The following CAMKMT variants were observed in gnomAD, a reference collection of about 807,000 sequenced individuals.
CAMKMT encodes calmodulin-lysine N-methyltransferase, also known as CaM KMT.
A neutral mutation model predicts 48.0 loss-of-function variants in CAMKMT; 53 were observed. The ratio of observed to expected loss-of-function variants is 1.10; its 90% confidence interval spans 0.89 to 1.39. The LOEUF (loss-of-function observed/expected upper bound fraction) is 1.39. Ranked by LOEUF, CAMKMT falls within the 40% of genes most tolerant of loss-of-function variation. The pLI is 0.00. For missense variants in CAMKMT, 428 were observed against 402.7 expected, an observed-to-expected ratio of 1.06 and a Z score of -0.54; for synonymous variants, 165 against 152.3, an observed-to-expected ratio of 1.08 and a Z score of -0.61.
intron 3 of CAMKMT, among the ~76,000 whole-genome samples, chr2:44,659,444 G>A (rs1046210445): frequency 3.3e-5 from 5 of 151,460 alleles, no homozygotes; most frequent in African/African-American, 9.7e-5. Context: ...AAAAAGTGGC[G>A]GAGGGCGGAG....
At chr2:44,626,001 A>G (rs771079175) in intron 3 of CAMKMT, among the ~76,000 whole-genome samples, 9 of 152,134 alleles carry the variant, frequency 5.9e-5, no homozygotes, top group African/African-American at 9.7e-5. Flanking sequence ...GGTCCTTTGT[A>G]TTTCATATAA....
chr2:44,469,206 C>CAT (rs1302042152), intron 3 of CAMKMT, among the ~76,000 whole-genome samples: 1 of 152,084 alleles, frequency 6.6e-6, no homozygotes, highest in East Asian at 1.9e-4. Flanking sequence ...ACACATTGTA[C>CAT]ATATATATCA....
chr2:44,726,451 C>T (rs1483815592), intron 7 of CAMKMT, among the ~76,000 whole-genome samples: 6 of 152,124 alleles, frequency 3.9e-5, no homozygotes, highest in Non-Finnish European at 8.8e-5. Context: ...CCGTTCACGT[C>T]CTTTGCCCTT....
chr2:44,384,423 G>T (rs911451629), intron 2 of CAMKMT, among the ~76,000 whole-genome samples: 3 of 151,508 alleles, frequency 2.0e-5, no homozygotes, highest in Admixed American at 2.0e-4. Flanking sequence ...CCACTCTCTG[G>T]GTTGTCTGTT....
chr2:44,675,464 C>T (rs900289551), intron 3 of CAMKMT, among the ~76,000 whole-genome samples: 1 of 152,086 alleles, frequency 6.6e-6, no homozygotes, highest in Non-Finnish European at 1.5e-5. Flanking sequence ...TTACTCTCCT[C>T]ACCCTCCCTG....
chr2:44,549,284 T>A (rs1008747568), intron 3 of CAMKMT, among the ~76,000 whole-genome samples: 2 of 152,204 alleles, frequency 1.3e-5, no homozygotes, highest in African/African-American at 4.8e-5. Context: ...CTTTGGTGAC[T>A]AATCACTCAA....
chr2:44,707,518 G>T (rs1258690757), intron 6 of CAMKMT, 56 bp downstream of exon 6: 2 of 1,459,940 alleles, frequency 1.4e-6, no homozygotes, highest in Non-Finnish European at 1.9e-6. Context: ...TTTCCTGGCT[G>T]AGTAACAATT....
intron 3 of CAMKMT, among the ~76,000 whole-genome samples, chr2:44,501,285 G>C (rs1669993324): frequency 6.6e-6 from 1 of 151,820 alleles, no homozygotes; most frequent in African/African-American, 2.4e-5. Flanking sequence ...ACCACGTGTG[G>C]TATCTTTCTT....
intron 8 of CAMKMT, among the ~76,000 whole-genome samples, chr2:44,751,634 C>T (rs1680158137): frequency 6.6e-6 from 1 of 152,190 alleles, no homozygotes; most frequent in Non-Finnish European, 1.5e-5. Context: ...TTGTGCCTGG[C>T]TTACCTCCCT....
intron 3 of CAMKMT, among the ~76,000 whole-genome samples, chr2:44,435,276 A>G (rs1315755851): frequency 1.3e-5 from 2 of 152,134 alleles, no homozygotes; most frequent in African/African-American, 4.8e-5. Flanking sequence ...CATTAATCTG[A>G]TTAAGTTCTT....
intron 3 of CAMKMT, among the ~76,000 whole-genome samples, chr2:44,410,163 T>A (rs370697923): frequency 6.7e-6 from 1 of 148,696 alleles, no homozygotes; most frequent in African/African-American, 2.5e-5. Flanking sequence ...AGAAGCAGAA[T>A]GTGAGAGACC....
At chr2:44,707,275 T>C in intron 5 of CAMKMT, 124 bp from the exon 6 acceptor site, 1 of 750,798 alleles carries the variant, frequency 1.3e-6, no homozygotes. Flanking sequence ...TGAAAAAAGA[T>C]TGAAGATTGT....
intron 1 of CAMKMT, among the ~76,000 whole-genome samples, chr2:44,367,132 G>A (rs1262165223): frequency 6.6e-6 from 1 of 152,054 alleles, no homozygotes; most frequent in African/African-American, 2.4e-5. Flanking sequence ...ATAAATATAG[G>A]GATTCAGAAT....
chr2:44,721,097 A>T (rs1471452482), intron 7 of CAMKMT, among the ~76,000 whole-genome samples: 1 of 152,146 alleles, frequency 6.6e-6, no homozygotes. Flanking sequence ...TCTGCAGATG[A>T]TGACAATTGT....
intron 3 of CAMKMT, among the ~76,000 whole-genome samples, chr2:44,543,874 A>G (rs1667258268): frequency 6.6e-6 from 1 of 152,174 alleles, no homozygotes; most frequent in Non-Finnish European, 1.5e-5. Flanking sequence ...CTGTTGACAG[A>G]TGTATTTAGA....
At chr2:44,476,752 A>G (rs369710725) in intron 3 of CAMKMT, among the ~76,000 whole-genome samples, 1 of 152,176 alleles carries the variant, frequency 6.6e-6, no homozygotes. Context: ...CAGAAAGAGC[A>G]CTTAATTTGT....
chr2:44,494,406 T>C (rs1270046916), intron 3 of CAMKMT, among the ~76,000 whole-genome samples: 3 of 152,232 alleles, frequency 2.0e-5, no homozygotes, highest in Non-Finnish European at 2.9e-5. Flanking sequence ...CACCTCACTT[T>C]TTTTCCCCCC....
rs1677918104 is a variant in CAMKMT at position 44,362,122 on chromosome 2, GC to G, written c.118del (p.Arg40GlyfsTer9). On this transcript the variant is annotated frameshift_variant, in exon 1 of 11. Coordinates refer to ENST00000378494, the MANE Select transcript of CAMKMT (RefSeq NM_024766.5). LOFTEE classifies it high-confidence loss of function. ...GPVVSAPLGA[A>X]RWKLLRQVLK... ...CGTAGTCTCGGCGCCCCTGGGAGCC[GC>G]CCGGTGGAAGCTCCTGCGGCAGGTA... The G allele has an allele frequency of 6.8e-7, 1 of 1,475,422 alleles. No homozygotes were observed. The allele number at this position is 1,475,422 out of a possible 1,614,324, so 91.4% of individuals were successfully genotyped here. A position where few individuals can be genotyped will look rare whatever the true frequency, so the allele number is the denominator to read the frequency against.
intron 3 of CAMKMT, among the ~76,000 whole-genome samples, chr2:44,484,304 A>C (rs902570906): frequency 2.0e-5 from 3 of 152,148 alleles, no homozygotes; most frequent in African/African-American, 4.8e-5. Flanking sequence ...AAGTTGGAAG[A>C]TTTACACTAC....
Sources: gnomAD v4.1 joint callset for allele counts (sites outside exome capture counted in the v4.1 genomes callset) on GRCh38, gnomAD v4.1.1 for gene constraint, MANE v1.5 for transcripts, NCBI Gene and HGNC (gene_info 2026-07-23, HGNC 2026-07-21) for gene names.